The following CAMK1D variants were observed in gnomAD, a reference collection of about 807,000 sequenced individuals.
The protein encoded by CAMK1D is calcium/calmodulin-dependent protein kinase type 1D.
Under a neutral mutation model 47.7 loss-of-function variants are expected in CAMK1D, and 9 were observed. The ratio of observed to expected loss-of-function variants is 0.19; its 90% CI spans 0.11 to 0.33. CAMK1D has a LOEUF of 0.33. Among genes scored for constraint, CAMK1D ranks in the 10% least tolerant of loss-of-function variants. CAMK1D has a pLI of 1.00. For synonymous variants in CAMK1D, 184 were observed against 184.9 expected (o/e 0.99, Z 0.04); for missense variants, 291 against 488.7 (o/e 0.60, Z 3.81).
intron 3 of CAMK1D, among the ~76,000 whole-genome samples, chr10:12,693,192 C>T (rs965954201): frequency 5.3e-5 from 8 of 151,996 alleles, no homozygotes; most frequent in Admixed American, 6.6e-5. Flanking sequence ...GGTGAAACCG[C>T]GTCTCTATTA....
At chr10:12,368,101 A>G (rs1342792745) in intron 1 of CAMK1D, among the ~76,000 whole-genome samples, 3 of 151,944 alleles carry the variant, frequency 2.0e-5, no homozygotes, top group Non-Finnish European at 4.4e-5. Flanking sequence ...CTGAGGCAGG[A>G]GAATGGCGTG....
At chr10:12,699,921 G>T (rs1370075305) in intron 3 of CAMK1D, among the ~76,000 whole-genome samples, 1 of 151,794 alleles carries the variant, frequency 6.6e-6, no homozygotes, top group South Asian at 2.1e-4. Context: ...TCAAAATGAC[G>T]TCTTTTCCTT....
chr10:12,801,002 T>C (rs554088613), intron 6 of CAMK1D, among the ~76,000 whole-genome samples: 124 of 152,206 alleles, frequency 8.1e-4, no homozygotes, highest in African/African-American at 2.8e-3. Flanking sequence ...GTGTGGGACA[T>C]TGGGGTGAGT....
chr10:12,771,217 G>A (rs565581323), intron 5 of CAMK1D, among the ~76,000 whole-genome samples: 22 of 152,118 alleles, frequency 1.4e-4, no homozygotes, highest in Middle Eastern at 3.2e-3. Context: ...GGCATGAGCC[G>A]CCGCGCCTGA....
intron 1 of CAMK1D, among the ~76,000 whole-genome samples, chr10:12,475,149 T>C (rs1833864939): frequency 6.6e-6 from 1 of 152,156 alleles, no homozygotes; most frequent in African/African-American, 2.4e-5. Flanking sequence ...TTCATTGTAA[T>C]CATCTTATAA....
Position 12,700,550 on chromosome 10 carries a change from C to T in CAMK1D, c.299+33740C>T, listed in dbSNP as rs879903818. On this transcript the variant is annotated intron_variant, in intron 3 of 10. Transcript: ENST00000619168. ...GTGGGGACACAGCCAACCAATATTA[C>T]TCAGCCTTTCTGAGCTTAGGAGCAC... Among the ~76,000 whole-genome samples, 40 of 152,342 alleles carry T rather than the reference C, an allele frequency of 2.6e-4. 1 individual carries two copies. The highest frequency in any genetic ancestry group is 2.6e-3 in the Admixed American group (40 of 15,294).
intron 1 of CAMK1D, among the ~76,000 whole-genome samples, chr10:12,440,266 C>G (rs1832747171): frequency 6.7e-6 from 1 of 150,206 alleles, no homozygotes; most frequent in Admixed American, 6.8e-5. Flanking sequence ...GCCATTCCAA[C>G]TATACGTTAG....
intron 2 of CAMK1D, among the ~76,000 whole-genome samples, chr10:12,630,236 TA>T (rs1839337417): frequency 6.6e-6 from 1 of 152,206 alleles, no homozygotes; most frequent in South Asian, 2.1e-4. Context: ...ATCTTCTCCC[TA>T]GTGAGCGCAT....
chr10:12,553,768 C>T (rs1244903941), intron 2 of CAMK1D, among the ~76,000 whole-genome samples: 5 of 152,206 alleles, frequency 3.3e-5, no homozygotes, highest in Non-Finnish European at 5.9e-5. Flanking sequence ...CTGCAGCACT[C>T]GCCACATAGG....
chr10:12,756,439 T>G (rs988778157), intron 3 of CAMK1D, among the ~76,000 whole-genome samples: 17 of 152,218 alleles, frequency 1.1e-4, no homozygotes, highest in Admixed American at 5.2e-4. Context: ...TTTTACTCGG[T>G]CCAGCAACTT....
At chr10:12,804,810 C>T (rs1469205289) in intron 6 of CAMK1D, among the ~76,000 whole-genome samples, 11 of 149,522 alleles carry the variant, frequency 7.4e-5, no homozygotes, top group East Asian at 2.0e-4. Context: ...TGGTGGTGCA[C>T]GCCTGTGGTT....
At chr10:12,687,770 A>G (rs1832719880) in intron 3 of CAMK1D, among the ~76,000 whole-genome samples, 1 of 152,204 alleles carries the variant, frequency 6.6e-6, no homozygotes, top group Non-Finnish European at 1.5e-5. Context: ...GCTGAAGTTC[A>G]CAGCTGTTGC....
At chr10:12,418,071 G>A (rs11257780) in intron 1 of CAMK1D, among the ~76,000 whole-genome samples, 8,938 of 152,252 alleles carry the variant, frequency 0.059, 373 homozygotes, top group East Asian at 0.15. Flanking sequence ...CTCCCAAAGT[G>A]CTCACAAGAG....
chr10:12,473,160 G>C (rs1441413071), intron 1 of CAMK1D, among the ~76,000 whole-genome samples: 2 of 152,180 alleles, frequency 1.3e-5, no homozygotes, highest in African/African-American at 4.8e-5. Flanking sequence ...GCACAGACAG[G>C]TGTGGCATGC....
intron 1 of CAMK1D, among the ~76,000 whole-genome samples, chr10:12,398,244 T>C (rs1249292042): frequency 6.6e-6 from 1 of 152,230 alleles, no homozygotes; most frequent in East Asian, 1.9e-4. Flanking sequence ...TCTCATAGAA[T>C]TTTATCCTAG....
chr10:12,586,710 T>G (rs1837829057), intron 2 of CAMK1D, among the ~76,000 whole-genome samples: 1 of 152,040 alleles, frequency 6.6e-6, no homozygotes, highest in South Asian at 2.1e-4. Context: ...TCACCTCTTG[T>G]CTGTTGTTAA....
intron 1 of CAMK1D, among the ~76,000 whole-genome samples, chr10:12,409,939 T>A (rs1839597923): frequency 6.6e-6 from 1 of 152,218 alleles, no homozygotes; most frequent in Non-Finnish European, 1.5e-5. Context: ...ACCTCAGAAA[T>A]GGGATCATGA....
At chr10:12,728,811 G>C (rs545638716) in intron 3 of CAMK1D, among the ~76,000 whole-genome samples, 1 of 151,638 alleles carries the variant, frequency 6.6e-6, no homozygotes, top group South Asian at 2.1e-4. Context: ...TTGGGAGTGC[G>C]TGTGTGTGTG....
chr10:12,633,045 T>G (rs1430340300), intron 2 of CAMK1D, among the ~76,000 whole-genome samples: 1 of 152,190 alleles, frequency 6.6e-6, no homozygotes, highest in East Asian at 1.9e-4. Context: ...GAGTGTTGCC[T>G]GACTTGGTGT....
Sources: gnomAD v4.1 joint callset for allele counts (sites outside exome capture counted in the v4.1 genomes callset) on GRCh38, gnomAD v4.1.1 for gene constraint, MANE v1.5 for transcripts, NCBI Gene and HGNC (gene_info 2026-07-23, HGNC 2026-07-21) for gene names.